NF1: variants seen among roughly 807,000 people sequenced by gnomAD.
NF1 encodes the protein neurofibromin 1.
NF1 carries 122 observed loss-of-function variants against 325.7 expected under a neutral mutation model. The ratio of observed to expected loss-of-function variants is 0.37; its 90% CI spans 0.32 to 0.44. The LOEUF is 0.44. Ranked by LOEUF, NF1 falls within the 20% of genes least tolerant of loss-of-function variation. NF1 has a pLI of 1.00. For synonymous variants in NF1, 1,091 were observed against 1,186.0 expected, an observed-to-expected ratio of 0.92 and a Z score of 1.65; for missense variants, 2,140 against 3,415.4, an observed-to-expected ratio of 0.63 and a Z score of 9.31.
At chr17:31,167,635 A>G (rs552620846) in intron 4 of NF1, among the ~76,000 whole-genome samples, 1 of 152,322 alleles carries the variant, frequency 6.6e-6, no homozygotes, top group Non-Finnish European at 1.5e-5. Flanking sequence ...AATAATGAGT[A>G]TGCCTCATTA....
intron 28 of NF1, 41 bp from the exon 29 acceptor site, chr17:31,235,877 T>C (rs780730456): frequency 1.2e-5 from 19 of 1,608,154 alleles, no homozygotes; most frequent in Middle Eastern, 3.3e-4. Context: ...GTAAAATATA[T>C]GGAGCAGGTA....
intron 5 of NF1, among the ~76,000 whole-genome samples, chr17:31,171,574 G>T (rs912667178): frequency 6.6e-6 from 1 of 152,188 alleles, no homozygotes; most frequent in Non-Finnish European, 1.5e-5. Flanking sequence ...GAAACTAATT[G>T]AATGTGTGGA....
At chr17:31,141,003 A>G (rs529756095) in intron 1 of NF1, among the ~76,000 whole-genome samples, 1 of 152,358 alleles carries the variant, frequency 6.6e-6, no homozygotes, top group Admixed American at 6.5e-5. Flanking sequence ...TATAGAATGA[A>G]GAAGTCTGGA....
At chr17:31,147,193 A>G (rs1488429183) in intron 1 of NF1, among the ~76,000 whole-genome samples, 1 of 152,246 alleles carries the variant, frequency 6.6e-6, no homozygotes, top group Non-Finnish European at 1.5e-5. Context: ...CAAGAAATAA[A>G]ACAATACTGT....
At chr17:31,349,970 G>A (rs2070097825) in intron 49 of NF1, among the ~76,000 whole-genome samples, 1 of 152,046 alleles carries the variant, frequency 6.6e-6, no homozygotes, top group East Asian at 1.9e-4. Flanking sequence ...TGCCTACTTT[G>A]TGTTTGTTAA....
chr17:31,243,110 TCAAA>T (rs1295770892), intron 29 of NF1, among the ~76,000 whole-genome samples: 2 of 152,148 alleles, frequency 1.3e-5, no homozygotes, highest in Non-Finnish European at 2.9e-5. Context: ...CCCTGGGTTA[TCAAA>T]CAGACTCTTG....
In NF1 at chr17:31,152,531, C is replaced by T. The variant is rs529386308; in HGVS notation, c.61-3452C>T. On this transcript the variant is annotated intron_variant, in intron 1 of 57. Transcript: ENST00000358273. The stretch of plus-strand genomic sequence containing the variant: ...AATTTCTTTTTTATATTACAACTTT[C>T]CTCCTTAGTCCCCCCTTTTTTTTCA... 1.2e-4 allele frequency among the ~76,000 whole-genome samples: 18 copies of T among 144,594 alleles called. No individual in the cohort carries two copies. The South Asian group carries it at 1.9e-3, about 15-fold the overall frequency. The allele number at this position is 144,594 out of a possible 152,430, so 94.9% of individuals were successfully genotyped here. A position where few individuals can be genotyped will look rare whatever the true frequency, so the allele number is the denominator to read the frequency against.
Position 31,095,121 on chromosome 17 carries a change from C to T in NF1, c.-189C>T, listed in dbSNP as rs1473637793. 4.3e-6 allele frequency: 2 copies of T among 466,760 alleles called. No individual in the cohort carries two copies. The highest frequency in any genetic ancestry group is 4.1e-5 in the African/African-American group (2 of 48,204). 28.9% of individuals were successfully genotyped at this position (466,760 alleles called of 1,614,324 possible). On this transcript the variant is annotated 5_prime_UTR_variant, in exon 1 of 58. Coordinates refer to ENST00000358273, the MANE Select transcript of NF1 (RefSeq NM_001042492.3). Reference sequence around the variant, plus strand: ...TCCCCCCAGCCTCCTTGCCAACGCCCCCTTTCCCTCTCCCCCTCCCGCTCG... The same window carrying T: ...TCCCCCCAGCCTCCTTGCCAACGCCTCCTTTCCCTCTCCCCCTCCCGCTCG...
chr17:31,095,589 A>C (rs1911604390), intron 1 of NF1: 5 of 552,614 alleles, frequency 9.0e-6, no homozygotes, highest in East Asian at 3.2e-5. Flanking sequence ...TTTCCCTCCT[A>C]AGTCGGGGGG....
At chr17:31,138,133 T>A (rs949105464) in intron 1 of NF1, 30 of 152,264 alleles carry the variant, frequency 2.0e-4, no homozygotes, top group African/African-American at 7.2e-4. Flanking sequence ...ATTAATTTTT[T>A]TCTTTTTTTC....
At chr17:31,285,277 TA>T (rs36047376) in intron 36 of NF1, among the ~76,000 whole-genome samples, 242 of 120,848 alleles carry the variant, frequency 2.0e-3, no homozygotes, top group Non-Finnish European at 2.7e-3. Flanking sequence ...AGATTCTGTT[TA>T]AAAAAAAAAA....
intron 36 of NF1, among the ~76,000 whole-genome samples, chr17:31,283,267 C>G (rs945713464): frequency 7.2e-5 from 11 of 151,794 alleles, no homozygotes; most frequent in African/African-American, 9.7e-5. Context: ...AATACAAAAA[C>G]TTAGCTGGTC....
Position 31,184,647 on chromosome 17 carries a change from CAAAAAAAAAAAAT to C in NF1, c.888+2003_888+2015del, listed in dbSNP as rs1237546284. ...CCTGGGCGACAGCGAGACTCCGTCTCAAAAAAAAAAAATAAAAAAAAAAAATAAAAAAATAAAA... is the reference window on the plus strand; with the variant it reads ...CCTGGGCGACAGCGAGACTCCGTCTCAAAAAAAAAAAATAAAAAAATAAAA... On this transcript the variant is annotated intron_variant, in intron 8 of 57. Transcript: ENST00000358273. 2.5e-4 allele frequency among the ~76,000 whole-genome samples: 18 copies of C among 72,700 alleles called. 1 individual carries two copies. Among genetic ancestry groups the C allele is most frequent in the South Asian group, 4.7e-4 (1 of 2,134 alleles). 47.7% of individuals were successfully genotyped at this position (72,700 alleles called of 152,430 possible).
intron 37 of NF1, among the ~76,000 whole-genome samples, chr17:31,326,919 GTTTGTTTTGT>G (rs777499000): frequency 1.3e-5 from 2 of 151,938 alleles, no homozygotes; most frequent in East Asian, 1.9e-4. Context: ...CTATAAGATT[GTTTGTTTTGT>G]TTTGTTTTGT....
chr17:31,132,802 G>T (rs1205421586), intron 1 of NF1, among the ~76,000 whole-genome samples: 1 of 151,980 alleles, frequency 6.6e-6, no homozygotes, highest in Non-Finnish European at 1.5e-5. Flanking sequence ...AAGTAGCTGG[G>T]ATTACAGGCG....
intron 36 of NF1, among the ~76,000 whole-genome samples, chr17:31,285,033 C>T (rs971044645): frequency 2.0e-5 from 3 of 152,046 alleles, no homozygotes; most frequent in African/African-American, 4.8e-5. Context: ...GCAGGAGAAT[C>T]GCTTGAGCCC....
chr17:31,280,842 T>C (rs2068105382), intron 36 of NF1, among the ~76,000 whole-genome samples: 1 of 152,066 alleles, frequency 6.6e-6, no homozygotes, highest in Admixed American at 6.5e-5. Flanking sequence ...GGATTTTTTT[T>C]TTTTTTGCCA....
chr17:31,368,142 C>CT (rs929846878), intron 57 of NF1, among the ~76,000 whole-genome samples: 1 of 151,880 alleles, frequency 6.6e-6, no homozygotes, highest in African/African-American at 2.4e-5. Context: ...TTTAAAAATT[C>CT]TTTTTTCTTT....
intron 36 of NF1, among the ~76,000 whole-genome samples, chr17:31,323,187 C>G: frequency 6.6e-6 from 1 of 152,084 alleles, no homozygotes; most frequent in East Asian, 1.9e-4. Flanking sequence ...ACTTGAGCCA[C>G]AGAAATTCGA....
Sources: allele counts gnomAD v4.1 joint callset (sites outside exome capture counted in the v4.1 genomes callset), GRCh38; gene constraint gnomAD v4.1.1; transcripts MANE v1.5; gene names NCBI Gene and HGNC (gene_info 2026-07-23, HGNC 2026-07-21).